C1orf159: variants seen among roughly 807,000 people sequenced by gnomAD.
C1orf159 encodes chromosome 1 open reading frame 159, also known as uncharacterized protein C1orf159.
In C1orf159, 19 loss-of-function variants were observed where a neutral mutation model predicts 25.6. The observed-to-expected ratio is 0.74, with a 90% CI of 0.52 to 1.09. C1orf159 has a LOEUF of 1.09. Among genes scored for constraint, C1orf159 ranks in the 50% least tolerant of loss-of-function variants. The pLI is 0.00. For synonymous variants in C1orf159, 139 were observed against 124.7 expected, an observed-to-expected ratio of 1.12 and a Z score of -0.77; for missense variants, 274 against 290.6, an observed-to-expected ratio of 0.94 and a Z score of 0.42.
Position 1,110,003 on chromosome 1 carries a change from G to A in C1orf159, c.-136+6057C>T, listed in dbSNP as rs565768841. ...AGCGAGCCATCACTGTTTCCATACC[G>A]CTTGTCTCAGGCCAGTGCCTGCTTA... On this transcript the variant is annotated intron_variant, in intron 1 of 9. Transcript: ENST00000421241. The surrounding 1 kb of genome is among the most constrained non-coding windows in gnomAD (Gnocchi z 4.8). Among the ~76,000 whole-genome samples, 18 of 152,350 alleles carry A rather than the reference G, an allele frequency of 1.2e-4. No homozygotes were observed. The highest frequency in any genetic ancestry group is 3.6e-4 in the African/African-American group (15 of 41,580).
In C1orf159 at chr1:1,085,549, G is replaced by A. The variant is rs573080798; in HGVS notation, c.445+329C>T. 8.6e-5 allele frequency among the ~76,000 whole-genome samples: 13 copies of A among 152,042 alleles called. No homozygotes were observed. The East Asian group carries it at 1.5e-3, about 18-fold the overall frequency. On this transcript the variant is annotated intron_variant, in intron 7 of 9. Transcript: ENST00000421241. ...AGGAGCCCAGGCAAGTCCAACTGCC[G>A]AGAGCCACCCAGCCCCGCTCCACTC...
chr1:1,085,656 G>A (rs1645817086), intron 7 of C1orf159, among the ~76,000 whole-genome samples: 2 of 152,238 alleles, frequency 1.3e-5, no homozygotes, highest in East Asian at 1.9e-4. Context: ...CCCCGAGGAA[G>A]GCCCCTTGGT....
chr1:1,087,376 C>T lies in C1orf159; in HGVS notation c.244+126G>A. Reference sequence around the variant, plus strand: ...GCCCAGCAGACTCGGGAAGAGGGGGCTCCCGGGGCTGTTCCCCAGTGGACA... The same window carrying T: ...GCCCAGCAGACTCGGGAAGAGGGGGTTCCCGGGGCTGTTCCCCAGTGGACA... On this transcript the variant is annotated intron_variant, in intron 5 of 9. Coordinates refer to ENST00000421241, the MANE Select transcript of C1orf159 (RefSeq NM_017891.5). The surrounding 1 kb of genome is among the most constrained non-coding windows in gnomAD (Gnocchi z 8.3). 2 of 1,170,722 alleles carry T rather than the reference C, an allele frequency of 1.7e-6. No homozygotes were observed. The highest frequency in any genetic ancestry group is 2.6e-5 in the East Asian group (1 of 38,742). The allele number at this position is 1,170,722 out of a possible 1,614,324, so 72.5% of individuals were successfully genotyped here.
intron 1 of C1orf159, among the ~76,000 whole-genome samples, chr1:1,095,549 G>A (rs1452400165): frequency 6.6e-6 from 1 of 152,146 alleles, no homozygotes; most frequent in Non-Finnish European, 1.5e-5. Flanking sequence ...TCACTTAATA[G>A]TTCTAGCAAT....
intron 7 of C1orf159, among the ~76,000 whole-genome samples, chr1:1,085,672 G>A (rs951733451): frequency 2.6e-5 from 4 of 152,154 alleles, no homozygotes; most frequent in Admixed American, 6.5e-5. Flanking sequence ...TTGGTGCTTC[G>A]ACCCTTCAAA....
chr1:1,087,482 G>A lies in C1orf159; in HGVS notation c.244+20C>T, dbSNP rs568818145. 8.5e-6 allele frequency: 13 copies of A among 1,537,710 alleles called. No homozygotes were observed. The African/African-American group carries it at 1.8e-4, about 21-fold the overall frequency. ...GCTGGAGCTGTGAGAAGGGAGCCGG[G>A]GGGAGCCGGGCAGACCTACAGCTTC... On this transcript the variant is annotated intron_variant, in intron 5 of 9. Transcript: ENST00000421241. This position sits in a 1 kb window ranked among gnomAD's most constrained non-coding sequence, Gnocchi z 8.3.
intron 3 of C1orf159, chr1:1,090,860 G>T: frequency 2.6e-6 from 4 of 1,543,728 alleles, no homozygotes; most frequent in Non-Finnish European, 2.6e-6. Context: ...CAGGTGCGCT[G>T]GGTGCTGGCA....
At chr1:1,085,081 C>A (rs935694702) in intron 7 of C1orf159, among the ~76,000 whole-genome samples, 12 of 152,168 alleles carry the variant, frequency 7.9e-5, no homozygotes, top group Admixed American at 7.9e-4. Flanking sequence ...TCTCTCGGTG[C>A]CTGGCTGTGC....
At chr1:1,106,318 AT>A (rs1257943176) in intron 1 of C1orf159, among the ~76,000 whole-genome samples, 1 of 152,230 alleles carries the variant, frequency 6.6e-6, no homozygotes, top group Non-Finnish European at 1.5e-5. Flanking sequence ...TCAAAATGAA[AT>A]ACTCCACACC....
intron 1 of C1orf159, 129 bp downstream of exon 1, chr1:1,115,931 T>C (rs1277781801): frequency 1.3e-5 from 2 of 150,532 alleles, no homozygotes; most frequent in African/African-American, 2.4e-5. Flanking sequence ...GCAGGGAACG[T>C]CCCTCGGGCC....
At chr1:1,101,487 AAT>A (rs141449834) in intron 1 of C1orf159, among the ~76,000 whole-genome samples, 9,283 of 152,184 alleles carry the variant, frequency 0.061, 531 homozygotes, top group African/African-American at 0.15. Context: ...TATAAAAAAA[AAT>A]TTTTTTTTAA....
chr1:1,090,600 A>AG (rs981374012), intron 3 of C1orf159, 172 bp from the exon 4 acceptor site: 9 of 735,892 alleles, frequency 1.2e-5, no homozygotes, highest in Non-Finnish European at 2.0e-5. Context: ...GGGAGCAAGG[A>AG]GGGGCCTCAC....
intron 1 of C1orf159, among the ~76,000 whole-genome samples, chr1:1,094,347 CAT>C (rs1218314586): frequency 1.3e-5 from 2 of 152,100 alleles, no homozygotes; most frequent in African/African-American, 4.8e-5. Flanking sequence ...AGCTAAAACA[CAT>C]ATTCTTCATC....
intron 1 of C1orf159, among the ~76,000 whole-genome samples, chr1:1,108,402 A>G (rs1218325265): frequency 1.5e-4 from 17 of 111,196 alleles, no homozygotes; most frequent in Admixed American, 2.6e-4. Flanking sequence ...CGTTCACCAC[A>G]GCCACCATGT....
At position 1,084,500 on chromosome 1, in the gene C1orf159, G is replaced by A; in HGVS notation, c.452C>T (p.Ala151Val). The change falls in exon 8 of 10, where the codon GCC becomes GTC. Residue 151 changes from alanine (A) to valine (V), a missense_variant. Transcript: ENST00000421241. ...RACYRRNKAPALQPGEAAAMI... is the reference protein window; with the variant it reads ...RACYRRNKAPVLQPGEAAAMI... ...ACTTACGGCTTCGCCAGGCTGCAGG[G>A]CCGGAGCTGTGGGGGAGAAAGCGGA... The A allele has an allele frequency of 6.4e-7, 1 of 1,554,996 alleles. No homozygotes were observed. Among genetic ancestry groups the A allele is most frequent in the Non-Finnish European group, 8.7e-7 (1 of 1,149,604 alleles).
chr1:1,112,217 G>C (rs1424596604), intron 1 of C1orf159, among the ~76,000 whole-genome samples: 1 of 152,228 alleles, frequency 6.6e-6, no homozygotes, highest in Non-Finnish European at 1.5e-5. Flanking sequence ...GAAATCCGGT[G>C]ATGGGCAGCT....
intron 1 of C1orf159, among the ~76,000 whole-genome samples, chr1:1,112,181 A>AGGC (rs1244497868): frequency 6.6e-6 from 1 of 152,204 alleles, no homozygotes; most frequent in East Asian, 1.9e-4. Context: ...AGGGAAAGAC[A>AGGC]GGCTCCCAAT....
chr1:1,114,692 C>T lies in C1orf159; in HGVS notation c.-136+1368G>A, dbSNP rs1360882454. 3.3e-5 allele frequency among the ~76,000 whole-genome samples: 5 copies of T among 152,154 alleles called. No homozygotes were observed. The East Asian group carries it at 9.6e-4, about 29-fold the overall frequency. ...ACAACGTGGCCATGACGGATCCTGG[C>T]TGAATGCAAACGGGGAACATAAACC... On this transcript the variant is annotated intron_variant, in intron 1 of 9. Coordinates refer to ENST00000421241, the MANE Select transcript of C1orf159 (RefSeq NM_017891.5).
At position 1,084,493 on chromosome 1, in the gene C1orf159, C is replaced by A; in HGVS notation, c.459G>T (p.Gln153His). The A allele has an allele frequency of 6.4e-7, 1 of 1,556,314 alleles. No individual in the cohort carries two copies. The highest frequency in any genetic ancestry group is 8.7e-7 in the Non-Finnish European group (1 of 1,150,356). ...CYRRNKAPAL[Q>H]PGEAAAMIPP... ...GTGGGTTACTTACGGCTTCGCCAGG[C>A]TGCAGGGCCGGAGCTGTGGGGGAGA... Residue 153 changes from glutamine (Q) to histidine (H), a missense_variant, in exon 8 of 10, where the codon CAG (glutamine) becomes CAT (histidine). Transcript: ENST00000421241.
Sources: allele counts gnomAD v4.1 joint callset (sites outside exome capture counted in the v4.1 genomes callset), GRCh38; gene constraint gnomAD v4.1.1; non-coding constraint Gnocchi (gnomAD v3.1); transcripts MANE v1.5; gene names NCBI Gene and HGNC (gene_info 2026-07-23, HGNC 2026-07-21).